The following TBCD variants were observed in gnomAD, a reference collection of about 807,000 sequenced individuals.
TBCD encodes the protein tubulin-specific chaperone D.
Under a neutral mutation model 169.3 loss-of-function variants are expected in TBCD, and 105 were observed. The observed-to-expected ratio is 0.62, with a 90% CI of 0.53 to 0.73. TBCD has a LOEUF of 0.73. TBCD is among the 30% of genes least tolerant of loss of function. The probability of loss-of-function intolerance (pLI) is 0.00; values close to 1 mark genes in which losing one functional copy is unlikely to be tolerated. For missense variants in TBCD, 1,444 were observed against 1,600.1 expected (o/e 0.90, Z 1.66); for synonymous variants, 700 against 643.9 (o/e 1.09, Z -1.32).
intron 34 of TBCD, among the ~76,000 whole-genome samples, chr17:82,936,514 G>A (rs1489169480): frequency 2.0e-5 from 3 of 152,168 alleles, no homozygotes; most frequent in Non-Finnish European, 4.4e-5. Context: ...CTCTCGGGAC[G>A]TTGCGTTTGA....
At position 82,793,761 on chromosome 17, in the gene TBCD, C is replaced by T. The variant is rs632276; in HGVS notation, c.772-3996C>T. 5.8e-3 allele frequency among the ~76,000 whole-genome samples: 889 copies of T among 152,304 alleles called. 8 individuals are homozygous for T. Among genetic ancestry groups the T allele is most frequent in the African/African-American group, 0.02 (845 of 41,554 alleles). On this transcript the variant is annotated intron_variant, in intron 7 of 38. Transcript: ENST00000355528. ...CTGTGGCCCCTCTGTGTGGCATGCC[C>T]AAGAGTGGCTTTGAACATGGCTGCC...
chr17:82,760,644 A>G (rs1020982910), intron 2 of TBCD, among the ~76,000 whole-genome samples: 3 of 152,278 alleles, frequency 2.0e-5, no homozygotes, highest in Non-Finnish European at 2.9e-5. Flanking sequence ...TTATAGGGAT[A>G]TAATTACATA....
At chr17:82,814,696 C>T in intron 12 of TBCD, 144 bp from the exon 13 acceptor site, 1 of 765,604 alleles carries the variant, frequency 1.3e-6, no homozygotes. Context: ...ACTTTAAAAA[C>T]TTAGGAATGG....
chr17:82,898,582 G>T (rs1459398892), intron 17 of TBCD, among the ~76,000 whole-genome samples: 1 of 152,094 alleles, frequency 6.6e-6, no homozygotes, highest in African/African-American at 2.4e-5. Flanking sequence ...TGATTCAGAA[G>T]AACTGGTTTA....
intron 6 of TBCD, among the ~76,000 whole-genome samples, chr17:82,779,893 C>G (rs1251468666): frequency 6.6e-6 from 1 of 152,192 alleles, no homozygotes; most frequent in African/African-American, 2.4e-5. Context: ...CACGTGGACT[C>G]TTCCGCCTCC....
rs542429267 is a variant in TBCD, at chr17:82,783,052, C to T, written c.771+1331C>T. ...TTCCTGCCCGCGGTTTTGTCCTGGC[C>T]GTGGCAGGTTCTGCCAGGGAGCGGG... On this transcript the variant is annotated intron_variant, in intron 7 of 38. Transcript: ENST00000355528. Among the ~76,000 whole-genome samples the T allele has an allele frequency of 2.0e-4, 29 of 147,992 alleles. No homozygotes were observed. In the South Asian group the frequency reaches 5.9e-3, roughly 30 times the overall value.
chr17:82,909,171 C>T, intron 21 of TBCD, 114 bp from the exon 22 acceptor site: 2 of 875,862 alleles, frequency 2.3e-6, no homozygotes, highest in Non-Finnish European at 3.5e-6. Context: ...GCTCTCCTGG[C>T]TGGCATGGCA....
intron 13 of TBCD, among the ~76,000 whole-genome samples, chr17:82,852,638 G>C (rs922642470): frequency 6.6e-6 from 1 of 152,128 alleles, no homozygotes; most frequent in Non-Finnish European, 1.5e-5. Context: ...TTTACCTTAC[G>C]CATCTCTAAG....
chr17:82,896,099 A>G (rs1599320583), intron 17 of TBCD: 1 of 151,550 alleles, frequency 6.6e-6, no homozygotes, highest in African/African-American at 2.4e-5. Context: ...CCCCTCCCAC[A>G]CCCCCTTCTT....
chr17:82,774,192 C>G (rs1457050943), intron 6 of TBCD, among the ~76,000 whole-genome samples: 1 of 152,136 alleles, frequency 6.6e-6, no homozygotes, highest in Non-Finnish European at 1.5e-5. Context: ...GCAGAGGACC[C>G]TGCGGCCTTC....
At chr17:82,813,508 C>T (rs948053774) in intron 12 of TBCD, among the ~76,000 whole-genome samples, 6 of 152,144 alleles carry the variant, frequency 3.9e-5, no homozygotes, top group Non-Finnish European at 7.3e-5. Context: ...TGAGGCGAGC[C>T]GGATGGACGG....
At chr17:82,760,526 T>G (rs1386505009) in intron 2 of TBCD, among the ~76,000 whole-genome samples, 1 of 152,254 alleles carries the variant, frequency 6.6e-6, no homozygotes, top group African/African-American at 2.4e-5. Flanking sequence ...TTATGTGTTC[T>G]AACTAGTTAT....
chr17:82,800,775 G>A (rs531453991), intron 8 of TBCD, 89 bp from the exon 9 acceptor site: 69 of 1,498,882 alleles, frequency 4.6e-5, no homozygotes, highest in Non-Finnish European at 5.9e-5. Context: ...AGGCCCCTGT[G>A]GAGCCGGCTG....
In TBCD at chr17:82,880,803, G is replaced by A. The variant is rs760074042; in HGVS notation, c.1476-3342G>A. On this transcript the variant is annotated intron_variant, in intron 14 of 38. Transcript: ENST00000355528. This position sits in a 1 kb window ranked among gnomAD's most constrained non-coding sequence, Gnocchi z 5.0. ...GTCTGTCGGAGCATAGCAGTGGCCCGTACGTGAGGGACTTTGTTGTTGCCG... is the reference window on the plus strand; with the variant it reads ...GTCTGTCGGAGCATAGCAGTGGCCCATACGTGAGGGACTTTGTTGTTGCCG... 4.6e-5 allele frequency among the ~76,000 whole-genome samples: 7 copies of A among 152,226 alleles called. No individual in the cohort carries two copies. The highest frequency in any genetic ancestry group is 1.0e-4 in the Non-Finnish European group (7 of 68,028).
At chr17:82,791,987 C>T (rs1468810288) in intron 7 of TBCD, among the ~76,000 whole-genome samples, 1 of 152,158 alleles carries the variant, frequency 6.6e-6, no homozygotes, top group Non-Finnish European at 1.5e-5. Context: ...GTGGTGTTTG[C>T]ACATCTAAGC....
chr17:82,921,683 G>A (rs2061428732), intron 25 of TBCD, 106 bp downstream of exon 25: 2 of 1,013,730 alleles, frequency 2.0e-6, no homozygotes, highest in Non-Finnish European at 3.1e-6. Flanking sequence ...TGTCCCTGCA[G>A]TAGCCTGATA....
At chr17:82,838,831 G>A (rs2054208274) in intron 13 of TBCD, 1 of 985,298 alleles carries the variant, frequency 1.0e-6, no homozygotes, top group Non-Finnish European at 1.2e-6. Flanking sequence ...TTACAGACCT[G>A]AGCTCGTAAA....
chr17:82,909,813 G>T (rs2146902140), intron 22 of TBCD, among the ~76,000 whole-genome samples: 1 of 152,370 alleles, frequency 6.6e-6, no homozygotes, highest in East Asian at 1.9e-4. Context: ...ATAGGCAGGG[G>T]TGTGGCCTCC....
chr17:82,778,563 A>G (rs996391342), intron 6 of TBCD, among the ~76,000 whole-genome samples: 2 of 151,430 alleles, frequency 1.3e-5, no homozygotes, highest in South Asian at 4.2e-4. Flanking sequence ...GGCTCAAGCA[A>G]TCCTCCCACC....
Sources: allele counts gnomAD v4.1 joint callset (sites outside exome capture counted in the v4.1 genomes callset), GRCh38; gene constraint gnomAD v4.1.1; non-coding constraint Gnocchi (gnomAD v3.1); transcripts MANE v1.5; gene names NCBI Gene and HGNC (gene_info 2026-07-23, HGNC 2026-07-21).